PRKCE: variants seen among roughly 807,000 people sequenced by gnomAD.
The protein encoded by PRKCE is protein kinase C epsilon, also known as protein kinase C epsilon type.
Under a neutral mutation model 85.4 loss-of-function variants are expected in PRKCE, and 16 were observed. The ratio of observed to expected loss-of-function variants is 0.19; its 90% CI spans 0.13 to 0.28. PRKCE has a LOEUF of 0.28. PRKCE is among the 10% of genes least tolerant of loss of function. The probability of loss-of-function intolerance (pLI) is 1.00; values close to 1 mark genes in which losing one functional copy is unlikely to be tolerated. For synonymous variants in PRKCE, 388 were observed against 371.5 expected, an observed-to-expected ratio of 1.04 and a Z score of -0.51; for missense variants, 573 against 975.2, an observed-to-expected ratio of 0.59 and a Z score of 5.49.
At chr2:45,883,559 T>A (rs1233811317) in intron 2 of PRKCE, among the ~76,000 whole-genome samples, 1 of 152,200 alleles carries the variant, frequency 6.6e-6, no homozygotes, top group African/African-American at 2.4e-5. Flanking sequence ...CTCTTGCTCA[T>A]CTGTGTGGGT....
rs543612770 is a variant in PRKCE at position 46,184,296 on chromosome 2, T to C, written c.2068-439T>C. Among the ~76,000 whole-genome samples, 32 of 152,142 alleles carry C rather than the reference T, an allele frequency of 2.1e-4. No homozygotes were observed. The highest frequency in any genetic ancestry group is 7.2e-4 in the African/African-American group (30 of 41,490). On this transcript the variant is annotated intron_variant, in intron 14 of 14. Transcript: ENST00000306156. The surrounding 1 kb of genome is among the most constrained non-coding windows in gnomAD (Gnocchi z 5.0). Reference sequence around the variant, plus strand: ...TCACCTGGAGCAGATGTGGCCGGGTTATGGGGAAGAAGGACCTCTGAGAGG... The same window carrying C: ...TCACCTGGAGCAGATGTGGCCGGGTCATGGGGAAGAAGGACCTCTGAGAGG...
rs1680462664 is a variant in PRKCE at position 46,186,547 on chromosome 2, G to A, written c.*1666G>A. 1.3e-5 allele frequency: 2 copies of A among 152,550 alleles called. No individual in the cohort carries two copies. 9.4% of individuals were successfully genotyped at this position (152,550 alleles called of 1,614,324 possible). On this transcript the variant is annotated 3_prime_UTR_variant, in exon 15 of 15. Coordinates refer to ENST00000306156, the MANE Select transcript of PRKCE (RefSeq NM_005400.3). ...TAAGTCTATTGGTTCAAGTTACCGAGAGATAGGTGTGTTCCTTTATGGGGG... is the reference window on the plus strand; with the variant it reads ...TAAGTCTATTGGTTCAAGTTACCGAAAGATAGGTGTGTTCCTTTATGGGGG...
intron 2 of PRKCE, among the ~76,000 whole-genome samples, chr2:45,940,407 T>C (rs1157936100): frequency 6.6e-6 from 1 of 152,272 alleles, no homozygotes; most frequent in Non-Finnish European, 1.5e-5. Flanking sequence ...TAATATTTGA[T>C]GTATGGATGG....
intron 10 of PRKCE, among the ~76,000 whole-genome samples, chr2:46,027,895 C>T (rs747666194): frequency 1.3e-5 from 2 of 152,100 alleles, no homozygotes; most frequent in Admixed American, 1.3e-4. Flanking sequence ...GCTGGCCCAC[C>T]TTCCACCTAC....
At chr2:46,079,041 G>A (rs981912139) in intron 10 of PRKCE, among the ~76,000 whole-genome samples, 1 of 152,026 alleles carries the variant, frequency 6.6e-6, no homozygotes, top group Non-Finnish European at 1.5e-5. Context: ...GCAAGGTGTG[G>A]TGGCGTGTGC....
intron 1 of PRKCE, among the ~76,000 whole-genome samples, chr2:45,712,419 G>A (rs1190500088): frequency 6.6e-6 from 1 of 151,992 alleles, no homozygotes; most frequent in Non-Finnish European, 1.5e-5. Flanking sequence ...GCCTTCCAAA[G>A]TGCTGGGATT....
At position 45,656,894 on chromosome 2, in the gene PRKCE, A is replaced by T. The variant is rs543985373; in HGVS notation, c.348+4446A>T. Among the ~76,000 whole-genome samples the T allele has an allele frequency of 3.3e-5, 5 of 152,342 alleles. 1 individual carries two copies. The South Asian group carries it at 1.0e-3, about 32-fold the overall frequency. On this transcript the variant is annotated intron_variant, in intron 1 of 14. Coordinates refer to ENST00000306156, the MANE Select transcript of PRKCE (RefSeq NM_005400.3). ...TGAAATGTGACTGTATAACTTTATAATTTTTAAAGAAAGATTTAGAATAAT... is the reference window on the plus strand; with the variant it reads ...TGAAATGTGACTGTATAACTTTATATTTTTTAAAGAAAGATTTAGAATAAT...
intron 14 of PRKCE, among the ~76,000 whole-genome samples, chr2:46,173,773 A>AC (rs1273356473): frequency 6.6e-6 from 1 of 152,170 alleles, no homozygotes; most frequent in African/African-American, 2.4e-5. Flanking sequence ...GTGTCTATAG[A>AC]CCCCAGCTAA....
chr2:46,046,281 G>C (rs1708517704), intron 10 of PRKCE, among the ~76,000 whole-genome samples: 1 of 152,214 alleles, frequency 6.6e-6, no homozygotes, highest in Non-Finnish European at 1.5e-5. Context: ...GTCTCCACCA[G>C]ACTCAGCATG....
At chr2:45,929,322 A>G (rs1373396824) in intron 2 of PRKCE, among the ~76,000 whole-genome samples, 3 of 152,352 alleles carry the variant, frequency 2.0e-5, no homozygotes, top group African/African-American at 7.2e-5. Flanking sequence ...TGAGACACCA[A>G]AGAGCGATAG....
intron 6 of PRKCE, among the ~76,000 whole-genome samples, chr2:45,989,746 T>A (rs1206876967): frequency 6.6e-6 from 1 of 152,202 alleles, no homozygotes; most frequent in African/African-American, 2.4e-5. Context: ...TCCTTTACTA[T>A]TTTTAACAGC....
intron 2 of PRKCE, among the ~76,000 whole-genome samples, chr2:45,870,585 C>T (rs1441365564): frequency 6.6e-6 from 1 of 152,164 alleles, no homozygotes; most frequent in African/African-American, 2.4e-5. Context: ...AATTTCAGCC[C>T]ATTTCTCTTG....
At chr2:45,718,339 CTTTTTTTTTTTTTTT>C (rs10708579) in intron 1 of PRKCE, among the ~76,000 whole-genome samples, 1 of 83,342 alleles carries the variant, frequency 1.2e-5, no homozygotes, top group African/African-American at 5.3e-5. Context: ...CAAATGCTTA[CTTTTTTTTTTTTTTT>C]TTTTTTTTTG....
At chr2:46,119,065 A>G (rs934914620) in intron 11 of PRKCE, among the ~76,000 whole-genome samples, 5 of 152,202 alleles carry the variant, frequency 3.3e-5, no homozygotes, top group African/African-American at 1.2e-4. Flanking sequence ...CCTTGGAACC[A>G]TGGAGTCAAC....
chr2:45,734,225 C>T (rs923649989), intron 1 of PRKCE, among the ~76,000 whole-genome samples: 5 of 152,008 alleles, frequency 3.3e-5, no homozygotes, highest in Non-Finnish European at 7.4e-5. Flanking sequence ...ATTAGCTGGG[C>T]GTTGTGGCGT....
At chr2:45,710,770 T>A (rs1225477223) in intron 1 of PRKCE, among the ~76,000 whole-genome samples, 1 of 152,214 alleles carries the variant, frequency 6.6e-6, no homozygotes. Flanking sequence ...CTGACTGATA[T>A]ACCATTGTTT....
At chr2:46,171,212 G>A (rs1446066560) in intron 14 of PRKCE, among the ~76,000 whole-genome samples, 2 of 152,162 alleles carry the variant, frequency 1.3e-5, no homozygotes, top group Non-Finnish European at 2.9e-5. Context: ...GGCAGGCAGG[G>A]TACTGTCTCC....
chr2:45,758,270 C>T (rs1307164040), intron 1 of PRKCE, among the ~76,000 whole-genome samples: 1 of 152,188 alleles, frequency 6.6e-6, no homozygotes, highest in Non-Finnish European at 1.5e-5. Flanking sequence ...TTACACTGAA[C>T]ATTAAATGAA....
At chr2:45,700,012 G>C (rs1265410755) in intron 1 of PRKCE, among the ~76,000 whole-genome samples, 1 of 152,142 alleles carries the variant, frequency 6.6e-6, no homozygotes, top group Non-Finnish European at 1.5e-5. Flanking sequence ...GGGCTGTTGA[G>C]GGGAGGCAGT....
Sources: allele counts gnomAD v4.1 joint callset (sites outside exome capture counted in the v4.1 genomes callset), GRCh38; gene constraint gnomAD v4.1.1; non-coding constraint Gnocchi (gnomAD v3.1); transcripts MANE v1.5; gene names NCBI Gene and HGNC (gene_info 2026-07-23, HGNC 2026-07-21).